Variants in DPP6 observed in about 807,000 individuals in gnomAD.
The protein encoded by DPP6 is A-type potassium channel modulatory protein DPP6.
Under a neutral mutation model 122.6 loss-of-function variants are expected in DPP6, and 69 were observed. The observed-to-expected ratio is 0.56, with a 90% CI of 0.46 to 0.69. DPP6 has a LOEUF of 0.69. DPP6 is among the 30% of genes least tolerant of loss of function. The pLI, the probability that DPP6 is intolerant of heterozygous loss-of-function variation, is 0.00. For synonymous variants in DPP6, 418 were observed against 433.1 expected, an observed-to-expected ratio of 0.97 and a Z score of 0.43; for missense variants, 928 against 1,116.9, an observed-to-expected ratio of 0.83 and a Z score of 2.41.
chr7:154,297,392 G>A (rs951697722), intron 1 of DPP6, among the ~76,000 whole-genome samples: 9 of 152,280 alleles, frequency 5.9e-5, no homozygotes, highest in African/African-American at 2.2e-4. Flanking sequence ...AGGGGGCCAG[G>A]TTTGGCCCAT....
intron 1 of DPP6, among the ~76,000 whole-genome samples, chr7:154,356,571 A>AC (rs993463895): frequency 1.3e-5 from 2 of 150,356 alleles, no homozygotes; most frequent in African/African-American, 2.4e-5. Context: ...TTATCCCCCA[A>AC]CCCCCCCACC....
intron 1 of DPP6, among the ~76,000 whole-genome samples, chr7:153,964,825 T>A (rs1269508194): frequency 1.4e-5 from 2 of 137,972 alleles, no homozygotes; most frequent in African/African-American, 6.6e-5. Flanking sequence ...TCCTTTCCTT[T>A]CCTTTTCCTT....
At chr7:154,330,144 C>T (rs569382214) in intron 1 of DPP6, among the ~76,000 whole-genome samples, 24 of 152,272 alleles carry the variant, frequency 1.6e-4, no homozygotes, top group African/African-American at 4.8e-4. Flanking sequence ...CACATGTATA[C>T]CTATGTAACA....
At chr7:154,835,175 G>A (rs1243119074) in intron 16 of DPP6, among the ~76,000 whole-genome samples, 2 of 152,150 alleles carry the variant, frequency 1.3e-5, no homozygotes, top group East Asian at 1.9e-4. Flanking sequence ...TTAAAGTGAG[G>A]CCATACTGGA....
At chr7:154,075,972 T>G (rs1803521149) in intron 1 of DPP6, among the ~76,000 whole-genome samples, 1 of 151,888 alleles carries the variant, frequency 6.6e-6, no homozygotes, top group Admixed American at 6.6e-5. Flanking sequence ...CATATACCAC[T>G]TTAAAAGTTT....
At position 154,604,578 on chromosome 7, in the gene DPP6, C is replaced by T. The variant is rs1403739357; in HGVS notation, c.628-33243C>T. 1.2e-4 allele frequency among the ~76,000 whole-genome samples: 14 copies of T among 120,646 alleles called. 3 individuals are homozygous for T. The highest frequency in any genetic ancestry group is 2.9e-4 in the African/African-American group (11 of 37,996). The allele number at this position is 120,646 out of a possible 152,430, so 79.1% of individuals were successfully genotyped here. A position where few individuals can be genotyped will look rare whatever the true frequency, so the allele number is the denominator to read the frequency against. The stretch of plus-strand genomic sequence containing the variant: ...AGCACAAAGACTTCTTTTAAGTCTT[C>T]TAATAAAATGTTATAATATTCATCA... On this transcript the variant is annotated intron_variant, in intron 5 of 25. Coordinates refer to ENST00000377770, the MANE Select transcript of DPP6 (RefSeq NM_130797.4).
rs1295058726 is a variant in DPP6 at position 154,639,155 on chromosome 7, C to T, written c.680+1282C>T. 2.0e-5 allele frequency among the ~76,000 whole-genome samples: 3 copies of T among 152,174 alleles called. No homozygotes were observed. The East Asian group carries it at 5.8e-4, about 29-fold the overall frequency. ...AGAATACAGGCAAGTCCTTGGAAAA[C>T]AAACTCGAATAAACTAATTTAATGT... On this transcript the variant is annotated intron_variant, in intron 6 of 25. Transcript: ENST00000377770.
At chr7:153,978,291 T>G (rs904754696) in intron 1 of DPP6, among the ~76,000 whole-genome samples, 6 of 152,386 alleles carry the variant, frequency 3.9e-5, no homozygotes, top group East Asian at 3.9e-4. Flanking sequence ...GATTTGTATT[T>G]CTCTAATGAC....
At chr7:153,959,616 T>G (rs1795244348) in intron 1 of DPP6, among the ~76,000 whole-genome samples, 1 of 152,264 alleles carries the variant, frequency 6.6e-6, no homozygotes, top group Non-Finnish European at 1.5e-5. Context: ...TTCTGCAGCT[T>G]CCTCATTTTT....
chr7:153,811,145 A>T, the DPP6 span, among the ~76,000 whole-genome samples: 2 of 152,126 alleles, frequency 1.3e-5, no homozygotes, highest in Admixed American at 1.3e-4. Context: ...ACAGTATGTA[A>T]TTCCCATGAG....
intron 2 of DPP6, among the ~76,000 whole-genome samples, chr7:154,461,396 C>G (rs1563708048): frequency 6.6e-6 from 1 of 152,170 alleles, no homozygotes; most frequent in Non-Finnish European, 1.5e-5. Context: ...ACTGGGATTA[C>G]TGGATCATAT....
chr7:154,177,073 A>G (rs1309586025), intron 1 of DPP6, among the ~76,000 whole-genome samples: 2 of 152,022 alleles, frequency 1.3e-5, no homozygotes, highest in Non-Finnish European at 2.9e-5. Context: ...GGCTCAAGCG[A>G]TTCTCCCAAC....
intron 1 of DPP6, among the ~76,000 whole-genome samples, chr7:154,016,611 G>GA (rs1172573451): frequency 6.6e-6 from 1 of 151,956 alleles, no homozygotes; most frequent in Non-Finnish European, 1.5e-5. Flanking sequence ...AAGGTTTTTG[G>GA]AAAAAAATTA....
At chr7:154,822,954 T>C (rs1199237150) in intron 16 of DPP6, among the ~76,000 whole-genome samples, 6 of 152,184 alleles carry the variant, frequency 3.9e-5, no homozygotes, top group Non-Finnish European at 5.9e-5. Context: ...TGGCATAGTG[T>C]CCTCCATAAA....
intron 1 of DPP6, among the ~76,000 whole-genome samples, chr7:153,891,053 ACT>A (rs1799177192): frequency 9.0e-6 from 1 of 110,866 alleles, no homozygotes; most frequent in South Asian, 2.8e-4. Context: ...ATGGAGTCTC[ACT>A]CTGTCACCCA....
At chr7:154,843,288 C>T (rs1011517533) in intron 16 of DPP6, among the ~76,000 whole-genome samples, 1 of 152,098 alleles carries the variant, frequency 6.6e-6, no homozygotes, top group African/African-American at 2.4e-5. Context: ...GGCAACAGAG[C>T]GAGACCTTGT....
At chr7:154,139,753 G>A (rs1285788543) in intron 1 of DPP6, among the ~76,000 whole-genome samples, 4 of 151,980 alleles carry the variant, frequency 2.6e-5, no homozygotes, top group Non-Finnish European at 5.9e-5. Context: ...CCACCTTCCA[G>A]CTATCTTCCC....
intron 1 of DPP6, among the ~76,000 whole-genome samples, chr7:153,892,427 C>T (rs796831273): frequency 1.3e-5 from 2 of 152,260 alleles, no homozygotes; most frequent in African/African-American, 4.8e-5. Context: ...AATCCTCTTA[C>T]CTCAGCCTCC....
intron 6 of DPP6, among the ~76,000 whole-genome samples, chr7:154,668,513 T>C (rs1255038972): frequency 6.6e-6 from 1 of 151,858 alleles, no homozygotes; most frequent in Non-Finnish European, 1.5e-5. Flanking sequence ...GCCACCGCGC[T>C]CAGCCCCACA....
Sources: gnomAD v4.1 joint callset for allele counts (sites outside exome capture counted in the v4.1 genomes callset) on GRCh38, gnomAD v4.1.1 for gene constraint, MANE v1.5 for transcripts, NCBI Gene and HGNC (gene_info 2026-07-23, HGNC 2026-07-21) for gene names.